The following NPFFR1 variants were observed in gnomAD, a reference collection of about 807,000 sequenced individuals.
NPFFR1 encodes neuropeptide FF receptor 1, also known as G-protein coupled receptor 147.
In NPFFR1, 17 loss-of-function variants were observed where a neutral mutation model predicts 12.7. The observed-to-expected ratio is 1.34, with a 90% CI of 0.92 to 2.01. The LOEUF (loss-of-function observed/expected upper bound fraction) is 2.01, where lower values mean the gene tolerates loss of function less well. NPFFR1 is among the 30% of genes most tolerant of loss of function. The probability of loss-of-function intolerance (pLI) is 0.00; values close to 1 mark genes in which losing one functional copy is unlikely to be tolerated. For synonymous variants in NPFFR1, 296 were observed against 264.5 expected, an observed-to-expected ratio of 1.12 and a Z score of -1.16; for missense variants, 604 against 606.5, an observed-to-expected ratio of 1.00 and a Z score of 0.04.
Position 70,255,673 on chromosome 10 carries a change from C to T in NPFFR1, c.577G>A (p.Ala193Thr). The T allele has an allele frequency of 6.2e-7, 1 of 1,602,180 alleles. No homozygotes were observed. The highest frequency in any genetic ancestry group is 8.5e-7 in the Non-Finnish European group (1 of 1,174,816). Residue 193 changes from alanine (A) to threonine (T), a missense_variant, in exon 4 of 4, where the codon GCC becomes ACC. By Grantham distance (58) the Ala-to-Thr change is moderately conservative. Transcript: ENST00000277942. This position sits in a 1 kb window ranked among gnomAD's most constrained non-coding sequence, Gnocchi z 4.2. ...TREEHHFMVD[A>T]RNRSYPLYSC... Reference sequence around the variant, plus strand: ...TAGAGCGGGTAGGAGCGGTTGCGGGCGTCCACCATGAAGTGGTGCTCCTCA... The same window carrying T: ...TAGAGCGGGTAGGAGCGGTTGCGGGTGTCCACCATGAAGTGGTGCTCCTCA...
chr10:70,280,323 G>A (rs1011036671), intron 1 of NPFFR1, among the ~76,000 whole-genome samples: 1 of 152,138 alleles, frequency 6.6e-6, no homozygotes, highest in African/African-American at 2.4e-5. Context: ...TAATGACTGT[G>A]CAAATTTATT....
chr10:70,256,136 C>T (rs1222001505), intron 3 of NPFFR1, among the ~76,000 whole-genome samples: 1 of 150,158 alleles, frequency 6.7e-6, no homozygotes. Context: ...TGCAGTGGCG[C>T]GATTACGGCT....
At chr10:70,267,459 TG>T (rs1298153574) in intron 1 of NPFFR1, among the ~76,000 whole-genome samples, 1 of 152,132 alleles carries the variant, frequency 6.6e-6, no homozygotes, top group Admixed American at 6.6e-5. Context: ...TACCCTAAGG[TG>T]TTAGCTTCAT....
At position 70,266,260 on chromosome 10, in the gene NPFFR1, T is replaced by A; in HGVS notation, c.139A>T (p.Ile47Phe). 1 of 1,613,912 alleles carries A rather than the reference T, an allele frequency of 6.2e-7. No homozygotes were observed. The highest frequency in any genetic ancestry group is 1.1e-5 in the South Asian group (1 of 91,076). ...QHTSPVAAMF[I>F]VAYALIFLLC... is the part of the protein sequence containing the mutation. ...AGGAAGATGAGCGCATAGGCCACAA[T>A]GAACATGGCCGCCACAGGGGAGGTG... is the stretch of plus-strand genomic sequence containing the variant. Residue 47 changes from isoleucine (I) to phenylalanine (F), a missense_variant, in exon 2 of 4, where the codon ATT (isoleucine) becomes TTT (phenylalanine). Coordinates refer to ENST00000277942, the MANE Select transcript of NPFFR1 (RefSeq NM_022146.5).
At chr10:70,275,603 G>C (rs1193188904) in intron 1 of NPFFR1, among the ~76,000 whole-genome samples, 1 of 151,664 alleles carries the variant, frequency 6.6e-6, no homozygotes, top group Non-Finnish European at 1.5e-5. Context: ...TTTTCTTTTA[G>C]TTAAACTAGA....
intron 1 of NPFFR1, among the ~76,000 whole-genome samples, chr10:70,275,815 T>C (rs1931553): frequency 0.051 from 7,699 of 152,258 alleles, 371 homozygotes; most frequent in East Asian, 0.18. Flanking sequence ...ATTTGTTTTG[T>C]ACAACATCAA....
At chr10:70,270,166 G>A (rs1474154996) in intron 1 of NPFFR1, among the ~76,000 whole-genome samples, 2 of 152,162 alleles carry the variant, frequency 1.3e-5, no homozygotes, top group Middle Eastern at 3.2e-3. Flanking sequence ...AAAGTAAATG[G>A]TTCAATAAAC....
intron 3 of NPFFR1, among the ~76,000 whole-genome samples, chr10:70,258,081 C>G (rs1190844577): frequency 6.6e-6 from 1 of 152,142 alleles, no homozygotes; most frequent in East Asian, 1.9e-4. Flanking sequence ...CGGCGCAGGT[C>G]CTTGGTATGC....
At chr10:70,270,303 G>T (rs956116376) in intron 1 of NPFFR1, among the ~76,000 whole-genome samples, 1 of 152,130 alleles carries the variant, frequency 6.6e-6, no homozygotes, top group Non-Finnish European at 1.5e-5. Context: ...CCTTCTCCAG[G>T]CCCCTCCAGA....
At chr10:70,264,142 G>C (rs745541254) in intron 2 of NPFFR1, among the ~76,000 whole-genome samples, 7 of 152,098 alleles carry the variant, frequency 4.6e-5, no homozygotes, top group Non-Finnish European at 8.8e-5. Flanking sequence ...GGGAGGCCGA[G>C]GCAGGCAGGT....
In NPFFR1 at chr10:70,269,031, T is replaced by C. The variant is rs567688425; in HGVS notation, c.8-2640A>G. Among the ~76,000 whole-genome samples the C allele has an allele frequency of 9.2e-5, 14 of 152,298 alleles. No individual in the cohort carries two copies. The East Asian group carries it at 2.5e-3, about 27-fold the overall frequency. ...TGTCTCTTTTCCCTTCTGCAGTATG[T>C]TTGTCATATGGACTGAGTGGTTGGT... is the stretch of plus-strand genomic sequence containing the variant. On this transcript the variant is annotated intron_variant, in intron 1 of 3. Transcript: ENST00000277942.
Position 70,260,925 on chromosome 10 carries a change from G to A in NPFFR1, c.323-186C>T, listed in dbSNP as rs562205924. Among the ~76,000 whole-genome samples the A allele has an allele frequency of 6.6e-5, 10 of 152,132 alleles. No individual in the cohort carries two copies. The East Asian group carries it at 1.2e-3, about 18-fold the overall frequency. On this transcript the variant is annotated intron_variant, in intron 2 of 3. Coordinates refer to ENST00000277942, the MANE Select transcript of NPFFR1 (RefSeq NM_022146.5). ...CAACCAGCCCATAAAACCATGGACA[G>A]TTCTCACTACAGTCATCCCCTCGTT...
chr10:70,262,109 A>G (rs934307640), intron 2 of NPFFR1, among the ~76,000 whole-genome samples: 3 of 152,248 alleles, frequency 2.0e-5, no homozygotes, highest in Non-Finnish European at 4.4e-5. Flanking sequence ...GGTAGAAATA[A>G]TGGATGAATG....
rs1315909861 is a variant in NPFFR1, at chr10:70,255,865, T to G, written c.423-38A>C. On this transcript the variant is annotated intron_variant, in intron 3 of 3. Coordinates refer to ENST00000277942, the MANE Select transcript of NPFFR1 (RefSeq NM_022146.5). This position sits in a 1 kb window ranked among gnomAD's most constrained non-coding sequence, Gnocchi z 4.2. ...GAGAGACAGGCGGGATCTGGGTGGGTCCTAGGGCCCCTGCGAGGGGACGGT... is the reference window on the plus strand; with the variant it reads ...GAGAGACAGGCGGGATCTGGGTGGGGCCTAGGGCCCCTGCGAGGGGACGGT... The G allele has an allele frequency of 4.5e-6, 7 of 1,561,392 alleles. No individual in the cohort carries two copies. The highest frequency in any genetic ancestry group is 6.1e-6 in the Non-Finnish European group (7 of 1,151,438).
At chr10:70,267,386 G>C (rs887380070) in intron 1 of NPFFR1, among the ~76,000 whole-genome samples, 8 of 152,148 alleles carry the variant, frequency 5.3e-5, no homozygotes, top group African/African-American at 1.9e-4. Flanking sequence ...ATCCCATGAT[G>C]TAAGTCATTA....
At chr10:70,275,586 A>AT (rs34664063) in intron 1 of NPFFR1, among the ~76,000 whole-genome samples, 9 of 150,458 alleles carry the variant, frequency 6.0e-5, no homozygotes, top group East Asian at 2.0e-4. Context: ...AAGTGTAGAG[A>AT]TTTTTTTTTT....
chr10:70,281,440 C>G (rs1003560445), intron 1 of NPFFR1, among the ~76,000 whole-genome samples: 2 of 152,180 alleles, frequency 1.3e-5, no homozygotes, highest in Non-Finnish European at 2.9e-5. Flanking sequence ...CTTCATCTCA[C>G]TCTCCTCATT....
rs376296772 is a variant in NPFFR1, at chr10:70,255,241, G to A, written c.1009C>T (p.Arg337Cys). 6.4e-7 allele frequency: 1 copy of A among 1,559,132 alleles called. No homozygotes were observed. Among genetic ancestry groups the A allele is most frequent in the Non-Finnish European group, 8.6e-7 (1 of 1,157,374 alleles). Residue 337 changes from arginine to cysteine, a missense_variant, in exon 4 of 4, where the codon CGC (arginine) becomes TGC (cysteine). Arg to Cys is a radical substitution (Grantham distance 180). Coordinates refer to ENST00000277942, the MANE Select transcript of NPFFR1 (RefSeq NM_022146.5). The surrounding 1 kb of genome is among the most constrained non-coding windows in gnomAD (Gnocchi z 4.2). The stretch of plus-strand genomic sequence containing the variant: ...CGGAAGGCGGCCTGGAAGCCGCGGC[G>A]GAAGTTCTCGTTGAAGTAGCCGTAG... ...IIYGYFNENF[R>C]RGFQAAFRAR... is the part of the protein sequence containing the mutation.
intron 2 of NPFFR1, among the ~76,000 whole-genome samples, chr10:70,264,366 CAAAAAA>C (rs56178146): frequency 8.0e-5 from 6 of 74,588 alleles, no homozygotes; most frequent in African/African-American, 1.1e-4. Flanking sequence ...AGTGAGACTC[CAAAAAA>C]AAAAAAAAAA....
Sources: gnomAD v4.1 joint callset for allele counts (sites outside exome capture counted in the v4.1 genomes callset) on GRCh38, gnomAD v4.1.1 for gene constraint, Gnocchi (gnomAD v3.1) non-coding constraint, MANE v1.5 for transcripts, NCBI Gene and HGNC (gene_info 2026-07-23, HGNC 2026-07-21) for gene names.